Variants in ZBTB20 observed in about 807,000 individuals in gnomAD.
ZBTB20 encodes the protein zinc finger and BTB domain containing 20.
ZBTB20 carries 9 observed loss-of-function variants against 56.9 expected under a neutral mutation model. The observed-to-expected ratio is 0.16, with a 90% CI of 0.10 to 0.28. The LOEUF is 0.28. ZBTB20 is among the 10% of genes least tolerant of loss of function. The pLI is 1.00. For missense variants in ZBTB20, 655 were observed against 1,003.0 expected, an observed-to-expected ratio of 0.65 and a Z score of 4.69; for synonymous variants, 417 against 420.7, an observed-to-expected ratio of 0.99 and a Z score of 0.11.
chr3:114,458,015 T>C (rs929815003), intron 7 of ZBTB20, among the ~76,000 whole-genome samples: 1 of 152,202 alleles, frequency 6.6e-6, no homozygotes. Flanking sequence ...TTATAGAATC[T>C]GTCCTTCTTC....
At chr3:115,062,975 T>G (rs970167972) in intron 2 of ZBTB20, among the ~76,000 whole-genome samples, 1 of 152,216 alleles carries the variant, frequency 6.6e-6, no homozygotes, top group Non-Finnish European at 1.5e-5. Context: ...TGAAAGTTTA[T>G]CTGTCTTTTT....
intron 10 of ZBTB20, among the ~76,000 whole-genome samples, chr3:114,367,602 A>T (rs1452666973): frequency 6.6e-6 from 1 of 152,190 alleles, no homozygotes; most frequent in African/African-American, 2.4e-5. Context: ...GACAAAAAGG[A>T]ACTTAACAGG....
chr3:114,722,199 G>A (rs1415222820), intron 5 of ZBTB20, among the ~76,000 whole-genome samples: 1 of 152,084 alleles, frequency 6.6e-6, no homozygotes, highest in East Asian at 1.9e-4. Flanking sequence ...CCTGGCTCAG[G>A]GCCCTTTCTA....
At chr3:114,682,599 C>T (rs2062049909) in intron 6 of ZBTB20, among the ~76,000 whole-genome samples, 1 of 152,012 alleles carries the variant, frequency 6.6e-6, no homozygotes. Flanking sequence ...TGATGAAAAC[C>T]CCTGAAAGTG....
chr3:115,081,452 T>C (rs1560556487), intron 1 of ZBTB20, among the ~76,000 whole-genome samples: 1 of 152,174 alleles, frequency 6.6e-6, no homozygotes, highest in African/African-American at 2.4e-5. Context: ...GCTTACTTTT[T>C]AAGAAGGATT....
intron 5 of ZBTB20, among the ~76,000 whole-genome samples, chr3:114,761,476 C>A (rs2068433288): frequency 1.3e-5 from 2 of 152,024 alleles, no homozygotes; most frequent in South Asian, 2.1e-4. Flanking sequence ...AACTAATGTC[C>A]ACCAAAAATC....
chr3:114,650,506 A>C (rs2060074320), intron 6 of ZBTB20, among the ~76,000 whole-genome samples: 1 of 151,958 alleles, frequency 6.6e-6, no homozygotes, highest in Non-Finnish European at 1.5e-5. Flanking sequence ...TATTCCCATG[A>C]AGATCAAGAA....
chr3:114,568,586 A>G (rs776730461), intron 6 of ZBTB20, among the ~76,000 whole-genome samples: 29 of 152,202 alleles, frequency 1.9e-4, no homozygotes, highest in African/African-American at 7.0e-4. Context: ...TTAACTCACC[A>G]TCAACAGCCT....
chr3:114,534,908 T>C (rs1559924362), intron 6 of ZBTB20, among the ~76,000 whole-genome samples: 1 of 152,028 alleles, frequency 6.6e-6, no homozygotes, highest in Non-Finnish European at 1.5e-5. Flanking sequence ...AACAACAAAA[T>C]TAAGGCAGAA....
At chr3:114,442,444 C>T (rs1315104578) in intron 7 of ZBTB20, among the ~76,000 whole-genome samples, 1 of 152,106 alleles carries the variant, frequency 6.6e-6, no homozygotes, top group African/African-American at 2.4e-5. Context: ...TGAATGCCAT[C>T]AGGATGATTC....
intron 2 of ZBTB20, among the ~76,000 whole-genome samples, chr3:114,999,151 G>A (rs2079147114): frequency 1.4e-5 from 2 of 144,516 alleles, no homozygotes; most frequent in South Asian, 4.5e-4. Flanking sequence ...AAAGGGAGAG[G>A]GAGAGAGAAA....
intron 2 of ZBTB20, among the ~76,000 whole-genome samples, chr3:114,989,264 G>T (rs1007810113): frequency 6.6e-6 from 1 of 152,130 alleles, no homozygotes; most frequent in African/African-American, 2.4e-5. Flanking sequence ...AATCCATCTT[G>T]AATTAATTTT....
At chr3:114,430,085 G>T (rs2090007502) in intron 7 of ZBTB20, among the ~76,000 whole-genome samples, 1 of 152,136 alleles carries the variant, frequency 6.6e-6, no homozygotes, top group Admixed American at 6.5e-5. Context: ...AAATTGAGTA[G>T]CTAAAACCTA....
chr3:114,650,632 G>T (rs925870443), intron 6 of ZBTB20, among the ~76,000 whole-genome samples: 4 of 151,698 alleles, frequency 2.6e-5, no homozygotes, highest in Admixed American at 6.6e-5. Flanking sequence ...TAAAGGTCTT[G>T]GACATAAATA....
chr3:114,520,257 T>C (rs1351097617), intron 6 of ZBTB20: 2 of 152,158 alleles, frequency 1.3e-5, no homozygotes, highest in South Asian at 2.1e-4. Context: ...TTGAATATGA[T>C]GTACCCCCCA....
At chr3:115,105,409 C>T (rs1292989014) in intron 1 of ZBTB20, among the ~76,000 whole-genome samples, 4 of 152,066 alleles carry the variant, frequency 2.6e-5, no homozygotes, top group African/African-American at 7.2e-5. Context: ...GCCTGTCTAG[C>T]TTAGAGTTTA....
In ZBTB20 at chr3:114,496,598, A is replaced by G. The variant is rs868744804; in HGVS notation, c.-255+3754T>C. ...TGCAAAAGAGAACATAGTACATGAAACATAAGCTGTTGAAAATTTCCTTTA... is the reference window on the plus strand; with the variant it reads ...TGCAAAAGAGAACATAGTACATGAAGCATAAGCTGTTGAAAATTTCCTTTA... On this transcript the variant is annotated intron_variant, in intron 7 of 11. Transcript: ENST00000675478. Among the ~76,000 whole-genome samples the G allele has an allele frequency of 3.9e-5, 6 of 152,314 alleles. 2 individuals are homozygous for G. In the South Asian group the frequency reaches 1.2e-3, roughly 32 times the overall value.
chr3:114,580,748 T>C (rs2054563173), intron 6 of ZBTB20, among the ~76,000 whole-genome samples: 1 of 151,834 alleles, frequency 6.6e-6, no homozygotes, highest in African/African-American at 2.4e-5. Context: ...TTTTACAAAA[T>C]AGGTTCAAGA....
chr3:114,837,897 G>A (rs937461116), intron 4 of ZBTB20, among the ~76,000 whole-genome samples: 3 of 152,044 alleles, frequency 2.0e-5, no homozygotes, highest in Non-Finnish European at 4.4e-5. Flanking sequence ...CGGACTTTCA[G>A]TAAACAAATT....
Sources: gnomAD v4.1 joint callset for allele counts (sites outside exome capture counted in the v4.1 genomes callset) on GRCh38, gnomAD v4.1.1 for gene constraint, MANE v1.5 for transcripts, NCBI Gene and HGNC (gene_info 2026-07-23, HGNC 2026-07-21) for gene names.